Variants in SRCAP observed in about 807,000 individuals in gnomAD.
SRCAP encodes the protein chromatin remodeling protein SRCAP.
Under a neutral mutation model 263.1 loss-of-function variants are expected in SRCAP, and 46 were observed. That is an observed-to-expected ratio of 0.17 (90% CI 0.14 to 0.22). The LOEUF (loss-of-function observed/expected upper bound fraction) is 0.22. Among genes scored for constraint, SRCAP ranks in the 10% least tolerant of loss-of-function variants. The pLI is 1.00. For synonymous variants in SRCAP, 1,813 were observed against 1,662.1 expected, an observed-to-expected ratio of 1.09 and a Z score of -2.21; for missense variants, 3,695 against 4,181.9, an observed-to-expected ratio of 0.88 and a Z score of 3.21.
chr16:30,737,101 TCCG>T lies in SRCAP; in HGVS notation c.7064_7066del (p.Arg2355del). On this transcript the variant is annotated inframe_deletion, in exon 34 of 34. Coordinates refer to ENST00000262518, the MANE Select transcript of SRCAP (RefSeq NM_006662.3). The stretch of plus-strand genomic sequence containing the variant: ...CTGGACCAAGCCAAGGAGGAGGTGT[TCCG>T]CCTACCCCAAGAGGAGGAGGAGGGG... 6.2e-7 allele frequency: 1 copy of T among 1,612,086 alleles called. No homozygotes were observed. The highest frequency in any genetic ancestry group is 8.5e-7 in the Non-Finnish European group (1 of 1,178,704).
In SRCAP at chr16:30,739,453, G is replaced by A. The variant is rs768891825; in HGVS notation, c.9413G>A (p.Arg3138His). Reference sequence around the variant, plus strand: ...CCACTAGAGACTGAGAAGTTGCCTCGCAAACGAGCAGGGGCCCCAGTTGGT... The same window carrying A: ...CCACTAGAGACTGAGAAGTTGCCTCACAAACGAGCAGGGGCCCCAGTTGGT... ...VPPLETEKLPRKRAGAPVGGS... is the reference protein window; with the variant it reads ...VPPLETEKLPHKRAGAPVGGS... The change falls in exon 34 of 34, where the codon CGC becomes CAC. Residue 3138 changes from arginine (R) to histidine (H), a missense_variant. By Grantham distance (29) the Arg-to-His change is conservative (BLOSUM62 0). Coordinates refer to ENST00000262518, the MANE Select transcript of SRCAP (RefSeq NM_006662.3). 14 of 1,614,048 alleles carry A rather than the reference G, an allele frequency of 8.7e-6. No individual in the cohort carries two copies. Among genetic ancestry groups the A allele is most frequent in the South Asian group, 4.4e-5 (4 of 91,088 alleles).
Position 30,710,782 on chromosome 16 carries a change from A to T in SRCAP, c.1163A>T (p.Gln388Leu), listed in dbSNP as rs144472706. ...AAGCCCCCACCCTCTGCTGTCACAC[A>T]GCGCAACAAACAGCCTTGGCATCCA... ...EIKPPPSAVT[Q>L]RNKQPWHPDE... Residue 388 changes from glutamine (Q) to leucine (L), a missense_variant, in exon 9 of 34, where the codon CAG (glutamine) becomes CTG (leucine). By Grantham distance (113) the Gln-to-Leu change is moderately radical (BLOSUM62 -2). Coordinates refer to ENST00000262518, the MANE Select transcript of SRCAP (RefSeq NM_006662.3). The T allele has an allele frequency of 6.2e-6, 10 of 1,614,046 alleles. No individual in the cohort carries two copies. Among genetic ancestry groups the T allele is most frequent in the Non-Finnish European group, 7.6e-6 (9 of 1,180,034 alleles).
Position 30,738,628 on chromosome 16 carries a change from C to T in SRCAP, c.8588C>T (p.Pro2863Leu), listed in dbSNP as rs1356613013. ...GCTGTGAAACGTCGGAGGGGGAGGC[C>T]CCCCAAGAAGAACAGGTCTCCAGCA... is the stretch of plus-strand genomic sequence containing the variant. ...PPAVKRRRGR[P>L]PKKNRSPADA... The change falls in exon 34 of 34, where the codon CCC becomes CTC. Residue 2863 changes from proline (P) to leucine (L), a missense_variant. By Grantham distance (98) the Pro-to-Leu change is moderately conservative. Around this residue, in one of 12 missense-constraint regions of SRCAP, gnomAD observed 1,207 missense variants for 1,142.9 expected, o/e 1.06. Coordinates refer to ENST00000262518, the MANE Select transcript of SRCAP (RefSeq NM_006662.3). 1 of 1,605,922 alleles carries T rather than the reference C, an allele frequency of 6.2e-7. No homozygotes were observed. The highest frequency in any genetic ancestry group is 8.5e-7 in the Non-Finnish European group (1 of 1,176,114).
At chr16:30,716,836 G>A (rs893715399) in intron 18 of SRCAP, among the ~76,000 whole-genome samples, 8 of 152,200 alleles carry the variant, frequency 5.3e-5, no homozygotes, top group Non-Finnish European at 8.8e-5. Flanking sequence ...GTCCAGGAGC[G>A]TCTGCATCAC....
chr16:30,725,129 G>T, intron 25 of SRCAP, 47 bp downstream of exon 25: 3 of 1,559,518 alleles, frequency 1.9e-6, no homozygotes, highest in Non-Finnish European at 2.6e-6. Flanking sequence ...AGTTTCTTTG[G>T]AGTGTTGGTA....
At chr16:30,734,365 C>A in intron 30 of SRCAP, 131 bp from the exon 31 acceptor site, 1 of 1,359,032 alleles carries the variant, frequency 7.4e-7, no homozygotes, top group Non-Finnish European at 1.0e-6. Flanking sequence ...AAAAGGACTG[C>A]TTTGGCCTTC....
In SRCAP at chr16:30,724,687, G is replaced by A. The variant is rs2053045779; in HGVS notation, c.5263G>A (p.Ala1755Thr). ...GTCTCTGGCTCCAGCACCCCCTCTG[G>A]CTCCAGCTTCTCCAGTGGGCCCAGC... ...TLSLAPAPPLAPASPVGPAPA... is the reference protein window; with the variant it reads ...TLSLAPAPPLTPASPVGPAPA... Residue 1755 changes from alanine to threonine, a missense_variant, in exon 25 of 34, where the codon GCT becomes ACT. Coordinates refer to ENST00000262518, the MANE Select transcript of SRCAP (RefSeq NM_006662.3). The A allele has an allele frequency of 6.2e-7, 1 of 1,614,036 alleles. No homozygotes were observed. Among genetic ancestry groups the A allele is most frequent in the East Asian group, 2.2e-5 (1 of 44,870 alleles).
At chr16:30,715,981 A>T in intron 16 of SRCAP, 85 bp from the exon 17 acceptor site, 1 of 1,557,052 alleles carries the variant, frequency 6.4e-7, no homozygotes, top group Admixed American at 1.8e-5. Context: ...GTGCCGTATG[A>T]CTCCATTAGT....
chr16:30,701,593 T>TATC (rs1457778465), intron 3 of SRCAP, among the ~76,000 whole-genome samples: 1 of 152,084 alleles, frequency 6.6e-6, no homozygotes, highest in Non-Finnish European at 1.5e-5. Flanking sequence ...ATTCCCTGAG[T>TATC]ATCCACCTTT....
At chr16:30,702,198 C>A (rs917148720) in intron 3 of SRCAP, among the ~76,000 whole-genome samples, 1 of 151,552 alleles carries the variant, frequency 6.6e-6, no homozygotes, top group Non-Finnish European at 1.5e-5. Context: ...TGATCCCCGC[C>A]TTACTCAGCC....
At position 30,720,562 on chromosome 16, in the gene SRCAP, C is replaced by G. The variant is rs184017066; in HGVS notation, c.2988-151C>G. ...TCTCTGTTCGGTGCTTTCTGATTGT[C>G]TTAAATTCCTATTCCTTGTTCTCCT... On this transcript the variant is annotated intron_variant, in intron 19 of 33. Coordinates refer to ENST00000262518, the MANE Select transcript of SRCAP (RefSeq NM_006662.3). 2,194 of 1,097,196 alleles carry G rather than the reference C, an allele frequency of 2.0e-3. 7 individuals carry two copies. Among genetic ancestry groups the G allele is most frequent in the Non-Finnish European group, 1.3e-3 (1,011 of 770,248 alleles). 68.0% of individuals were successfully genotyped at this position (1,097,196 alleles called of 1,614,324 possible).
rs777211919 is a variant in SRCAP, at chr16:30,739,164, C to T, written c.9124C>T (p.Arg3042Trp). 3.3e-5 allele frequency: 54 copies of T among 1,613,952 alleles called. No individual in the cohort carries two copies. Among genetic ancestry groups the T allele is most frequent in the South Asian group, 2.6e-4 (24 of 91,074 alleles). ...CGAGAGCTGTGGATTGGGGAGGCGA[C>T]GGCAACCCCAGGGCCAAGGGGAGAG... is the stretch of plus-strand genomic sequence containing the variant. The part of the protein sequence containing the change: ...VLESCGLGRR[R>W]QPQGQGESEG... Residue 3042 changes from arginine (R) to tryptophan (W), a missense_variant, in exon 34 of 34, where the codon CGG becomes TGG. This residue lies in a region of SRCAP where 1,207 missense variants were observed against 1,142.9 expected (regional missense o/e 1.06). Transcript: ENST00000262518.
Position 30,739,933 on chromosome 16 carries a change from C to T in SRCAP, c.*200C>T, listed in dbSNP as rs950913857. On this transcript the variant is annotated 3_prime_UTR_variant, in exon 34 of 34. Coordinates refer to ENST00000262518, the MANE Select transcript of SRCAP (RefSeq NM_006662.3). ...GGATCATCACAGTCCCCTTCCCCTT[C>T]ACCCCACGTGGCTGGGCAGTGTTAA... 1.3e-5 allele frequency: 11 copies of T among 818,766 alleles called. No individual in the cohort carries two copies. Among genetic ancestry groups the T allele is most frequent in the African/African-American group, 1.8e-5 (1 of 56,664 alleles). 50.7% of individuals were successfully genotyped at this position (818,766 alleles called of 1,614,324 possible). A position where few individuals can be genotyped will look rare whatever the true frequency, so the allele number is the denominator to read the frequency against.
At chr16:30,723,343 AT>A (rs2053029933) in intron 24 of SRCAP, 114 bp downstream of exon 24, 1 of 1,461,166 alleles carries the variant, frequency 6.8e-7, no homozygotes, top group African/African-American at 1.4e-5. Context: ...TACTGCCTTG[AT>A]TTGTAGTGGG....
rs1444427986 is a variant in SRCAP, at chr16:30,723,978, T to G, written c.4554T>G (p.Ser1518=). ...CCACAGCTCCATCCCTGTCTTCATCTCAGACACCTGGTCACCCTCTGTTGT... is the reference window on the plus strand; with the variant it reads ...CCACAGCTCCATCCCTGTCTTCATCGCAGACACCTGGTCACCCTCTGTTGT... ...GLATAPSLSS[S]QTPGHPLLLA... Residue 1518 remains serine (S), a synonymous_variant, in exon 25 of 34, where the codon TCT becomes TCG. Coordinates refer to ENST00000262518, the MANE Select transcript of SRCAP (RefSeq NM_006662.3). 6.2e-7 allele frequency: 1 copy of G among 1,614,136 alleles called. No individual in the cohort carries two copies. Among genetic ancestry groups the G allele is most frequent in the South Asian group, 1.1e-5 (1 of 91,086 alleles).
Position 30,737,392 on chromosome 16 carries a change from C to T in SRCAP, c.7352C>T (p.Pro2451Leu), listed in dbSNP as rs759342420. Residue 2451 changes from proline (P) to leucine (L), a missense_variant, in exon 34 of 34, where the codon CCG becomes CTG. Pro to Leu is a moderately conservative substitution (Grantham distance 98). This residue lies in a region of SRCAP where 1,207 missense variants were observed against 1,142.9 expected (regional missense o/e 1.06). Coordinates refer to ENST00000262518, the MANE Select transcript of SRCAP (RefSeq NM_006662.3). ...PRPRPTPASA[P>L]AAIPALVPVP... Reference sequence around the variant, plus strand: ...CCTCGACCCACTCCAGCTTCAGCTCCGGCTGCAATTCCTGCCCTTGTTCCT... The same window carrying T: ...CCTCGACCCACTCCAGCTTCAGCTCTGGCTGCAATTCCTGCCCTTGTTCCT... 11 of 1,611,850 alleles carry T rather than the reference C, an allele frequency of 6.8e-6. No homozygotes were observed. Among genetic ancestry groups the T allele is most frequent in the South Asian group, 5.5e-5 (5 of 90,776 alleles).
rs1436235984 is a variant in SRCAP, at chr16:30,721,244, C to G, written c.3309C>G (p.Thr1103=). ...GGACCTCACGGCCTCCCACGCCAAC[C>G]TTGTCCCTAAAGCCAACACCACCTG... is the stretch of plus-strand genomic sequence containing the variant. ...LSGTSRPPTP[T]LSLKPTPPAP... is the part of the protein sequence containing the mutation. The change falls in exon 21 of 34, where the codon ACC becomes ACG. Residue 1103 remains threonine (T), a synonymous_variant. Coordinates refer to ENST00000262518, the MANE Select transcript of SRCAP (RefSeq NM_006662.3). 6.2e-7 allele frequency: 1 copy of G among 1,614,048 alleles called. No homozygotes were observed. The highest frequency in any genetic ancestry group is 1.3e-5 in the African/African-American group (1 of 75,036).
rs368587038 is a variant in SRCAP at position 30,737,763 on chromosome 16, T to C, written c.7723T>C (p.Ser2575Pro). ...GGCTTCTGTGGCCAGTTCAGAAACC[T>C]CCTCACTTTCTCTTGTGCCCCCTAA... is the stretch of plus-strand genomic sequence containing the variant. ...ELASVASSET[S>P]SLSLVPPKDL... Residue 2575 changes from serine to proline, a missense_variant, in exon 34 of 34, where the codon TCC (serine) becomes CCC (proline). Physicochemically the swap from Ser to Pro is moderately conservative, Grantham distance 74 (BLOSUM62 -1). Transcript: ENST00000262518. 1.2e-6 allele frequency: 2 copies of C among 1,613,894 alleles called. No homozygotes were observed. The highest frequency in any genetic ancestry group is 1.7e-6 in the Non-Finnish European group (2 of 1,179,898).
At chr16:30,731,814 C>T (rs1247584566) in intron 27 of SRCAP, among the ~76,000 whole-genome samples, 11 of 152,126 alleles carry the variant, frequency 7.2e-5, no homozygotes, top group African/African-American at 1.9e-4. Flanking sequence ...CATGCCACTG[C>T]ACTCTAGCCT....
Sources: gnomAD v4.1 joint callset for allele counts (sites outside exome capture counted in the v4.1 genomes callset) on GRCh38, gnomAD v4.1.1 for gene constraint, gnomAD v4.1.1 regional missense constraint, MANE v1.5 for transcripts, NCBI Gene and HGNC (gene_info 2026-07-23, HGNC 2026-07-21) for gene names.